Variants in POLB observed in about 807,000 individuals in gnomAD.
POLB encodes the protein DNA polymerase beta.
Under a neutral mutation model 52.7 loss-of-function variants are expected in POLB, and 37 were observed. The ratio of observed to expected loss-of-function variants is 0.70; its 90% CI spans 0.54 to 0.92. POLB has a LOEUF of 0.92. POLB is among the 40% of genes least tolerant of loss of function. The pLI is 0.00. For missense variants in POLB, 313 were observed against 400.8 expected (o/e 0.78, Z 1.87); for synonymous variants, 138 against 131.3 (o/e 1.05, Z -0.35).
rs1176098787 is a variant in POLB at position 42,360,983 on chromosome 8, T to A, written c.551-312T>A. On this transcript the variant is annotated intron_variant, in intron 9 of 13. Transcript: ENST00000265421. ...TCATAGGTGTATTTTAAAGCTATTT[T>A]AAAATATTGTTTTTATTCATTATTG... 3 of 442,830 alleles carry A rather than the reference T, an allele frequency of 6.8e-6. No individual in the cohort carries two copies. The Admixed American group carries it at 9.4e-5, about 14-fold the overall frequency. The allele number at this position is 442,830 out of a possible 1,614,324, so 27.4% of individuals were successfully genotyped here.
At position 42,369,917 on chromosome 8, in the gene POLB, A is replaced by G; in HGVS notation, c.842A>G (p.Asn281Ser). The G allele has an allele frequency of 6.2e-7, 1 of 1,602,226 alleles. No individual in the cohort carries two copies. Among genetic ancestry groups the G allele is most frequent in the Non-Finnish European group, 8.6e-7 (1 of 1,169,320 alleles). ...ACTGGGAGTGATATTTTCAATAAGAATATGAGGGCTCATGCCCTAGAAAAG... is the reference window on the plus strand; with the variant it reads ...ACTGGGAGTGATATTTTCAATAAGAGTATGAGGGCTCATGCCCTAGAAAAG... ...YFTGSDIFNK[N>S]MRAHALEKGF... The change falls in exon 13 of 14, where the codon AAT (asparagine) becomes AGT (serine). Residue 281 changes from asparagine to serine, a missense_variant. Around this residue, in one of 3 missense-constraint regions of POLB, gnomAD observed 246 missense variants for 297.6 expected, o/e 0.83. Coordinates refer to ENST00000265421, the MANE Select transcript of POLB (RefSeq NM_002690.3).
intron 12 of POLB, 134 bp from the exon 13 acceptor site, chr8:42,369,715 T>G (rs1824260556): frequency 1.4e-5 from 8 of 587,872 alleles, no homozygotes; most frequent in Non-Finnish European, 2.1e-5. Flanking sequence ...TACCTCATGA[T>G]AGTCTTCTCT....
intron 4 of POLB, 63 bp downstream of exon 4, chr8:42,349,153 G>A (rs1000280290): frequency 1.5e-5 from 13 of 891,360 alleles, no homozygotes; most frequent in Admixed American, 7.9e-5. Flanking sequence ...ACTATGTAGC[G>A]TCATTGCAGG....
rs761986409 is a variant in POLB, at chr8:42,338,513, C to A, written c.-112C>A. On this transcript the variant is annotated 5_prime_UTR_variant, in exon 1 of 14. Coordinates refer to ENST00000265421, the MANE Select transcript of POLB (RefSeq NM_002690.3). ...GCAACCATTGTTCCGCCGGTCGCGC[C>A]GGAGCTGGGTTGCTCCTGCTCCCGT... 5.4e-6 allele frequency: 5 copies of A among 921,618 alleles called. No individual in the cohort carries two copies. In the South Asian group the frequency reaches 6.7e-5, roughly 12 times the overall value. 57.1% of individuals were successfully genotyped at this position (921,618 alleles called of 1,614,324 possible). A position where few individuals can be genotyped will look rare whatever the true frequency, so the allele number is the denominator to read the frequency against.
intron 5 of POLB, among the ~76,000 whole-genome samples, 193 bp from the exon 6 acceptor site, chr8:42,352,326 C>T (rs1247559212): frequency 6.6e-6 from 1 of 152,202 alleles, no homozygotes; most frequent in Non-Finnish European, 1.5e-5. Flanking sequence ...TGTCTGAATT[C>T]ATAGTTGTCT....
chr8:42,367,104 G>C (rs941382422), intron 11 of POLB, among the ~76,000 whole-genome samples: 2 of 152,196 alleles, frequency 1.3e-5, no homozygotes, highest in Non-Finnish European at 2.9e-5. Context: ...GGCAGCAGTT[G>C]TATTCAGTCA....
intron 2 of POLB, 23 bp from the exon 3 acceptor site, chr8:42,344,930 T>C: frequency 2.7e-6 from 4 of 1,486,094 alleles, no homozygotes; most frequent in Non-Finnish European, 3.8e-6. Flanking sequence ...CTAATTGGTT[T>C]TCCTTTTCTT....
chr8:42,344,492 A>G (rs1384040431), intron 2 of POLB, among the ~76,000 whole-genome samples: 2 of 151,262 alleles, frequency 1.3e-5, no homozygotes, highest in Admixed American at 6.6e-5. Context: ...AAAGTTAGAC[A>G]TATATTAGGT....
chr8:42,345,275 A>G (rs951305998), intron 3 of POLB, among the ~76,000 whole-genome samples: 2 of 152,234 alleles, frequency 1.3e-5, no homozygotes, highest in Non-Finnish European at 2.9e-5. Flanking sequence ...GTTACAATAT[A>G]TACATGTACT....
chr8:42,354,369 G>C (rs1453495678), intron 6 of POLB: 1 of 771,154 alleles, frequency 1.3e-6, no homozygotes, highest in Non-Finnish European at 1.9e-6. Context: ...AAGGGGGCTT[G>C]TAGGAATTGC....
chr8:42,361,076 A>G (rs1823648898), intron 9 of POLB: 1 of 681,306 alleles, frequency 1.5e-6, no homozygotes, highest in African/African-American at 1.8e-5. Context: ...ATCTAATGCC[A>G]ATTACTGTTG....
intron 3 of POLB, among the ~76,000 whole-genome samples, chr8:42,347,583 T>C (rs922648513): frequency 1.3e-5 from 2 of 152,060 alleles, no homozygotes; most frequent in Admixed American, 1.3e-4. Flanking sequence ...TATTCCTTAA[T>C]GTTTGGTATA....
At chr8:42,365,158 A>G (rs1376482090) in intron 11 of POLB, among the ~76,000 whole-genome samples, 1 of 152,238 alleles carries the variant, frequency 6.6e-6, no homozygotes, top group Admixed American at 6.5e-5. Context: ...CCACACACAT[A>G]CAAAAAATCA....
chr8:42,338,624 C>T lies in POLB; in HGVS notation c.-1C>T. On this transcript the variant is annotated 5_prime_UTR_variant, in exon 1 of 14. Transcript: ENST00000265421. ...TCTGGGGTTCTCGGGTGCAGGCCGC[C>T]ATGAGCAAACGGAAGGCGCCGCAGG... 6.2e-7 allele frequency: 1 copy of T among 1,614,056 alleles called. No homozygotes were observed. Among genetic ancestry groups the T allele is most frequent in the Non-Finnish European group, 8.5e-7 (1 of 1,179,886 alleles).
chr8:42,355,427 G>T (rs1823247111), intron 6 of POLB, 89 bp from the exon 7 acceptor site: 1 of 726,280 alleles, frequency 1.4e-6, no homozygotes, highest in Non-Finnish European at 2.4e-6. Flanking sequence ...TCCCCAGGTG[G>T]TTCTTTATAA....
intron 2 of POLB, among the ~76,000 whole-genome samples, chr8:42,344,668 A>G (rs1437878604): frequency 6.6e-6 from 1 of 151,656 alleles, no homozygotes; most frequent in African/African-American, 2.4e-5. Context: ...CATCATCTCC[A>G]CTAAAATACA....
chr8:42,341,580 A>G (rs535856308), intron 2 of POLB, among the ~76,000 whole-genome samples: 2 of 152,378 alleles, frequency 1.3e-5, no homozygotes, highest in South Asian at 4.1e-4. Flanking sequence ...AATTATAGAC[A>G]GAATACCGTC....
intron 10 of POLB, 95 bp from the exon 11 acceptor site, chr8:42,362,517 A>G (rs1367234161): frequency 3.8e-6 from 3 of 779,960 alleles, no homozygotes; most frequent in Middle Eastern, 3.5e-4. Flanking sequence ...CCTGTGCAAT[A>G]TAGCAAGACT....
chr8:42,370,082 T>C (rs1368986338), intron 13 of POLB, 94 bp downstream of exon 13: 4 of 904,078 alleles, frequency 4.4e-6, no homozygotes, highest in East Asian at 2.5e-5. Context: ...CTAATAACTA[T>C]GCCAGTTAGT....
Sources: gnomAD v4.1 joint callset for allele counts (sites outside exome capture counted in the v4.1 genomes callset) on GRCh38, gnomAD v4.1.1 for gene constraint, gnomAD v4.1.1 regional missense constraint, MANE v1.5 for transcripts, NCBI Gene and HGNC (gene_info 2026-07-23, HGNC 2026-07-21) for gene names.